RAPGEF4: variants seen among roughly 807,000 people sequenced by gnomAD.
The protein encoded by RAPGEF4 is Rap guanine nucleotide exchange factor 4.
RAPGEF4 carries 66 observed loss-of-function variants against 147.9 expected under a neutral mutation model. The observed-to-expected ratio is 0.45, with a 90% CI of 0.37 to 0.55. The LOEUF (loss-of-function observed/expected upper bound fraction) is 0.55, where lower values mean the gene tolerates loss of function less well. Ranked by LOEUF, RAPGEF4 falls within the 20% of genes least tolerant of loss-of-function variation. The probability of loss-of-function intolerance (pLI) is 0.00; values close to 1 mark genes in which losing one functional copy is unlikely to be tolerated. For synonymous variants in RAPGEF4, 419 were observed against 442.7 expected (o/e 0.95, Z 0.67); for missense variants, 1,071 against 1,257.3 (o/e 0.85, Z 2.24).
intron 6 of RAPGEF4, among the ~76,000 whole-genome samples, chr2:172,937,911 G>T (rs1429768588): frequency 6.6e-6 from 1 of 151,800 alleles, no homozygotes; most frequent in Non-Finnish European, 1.5e-5. Flanking sequence ...TTGGCCACTG[G>T]GAGCTCTTTC....
intron 17 of RAPGEF4, among the ~76,000 whole-genome samples, chr2:173,007,726 G>A (rs1694621968): frequency 6.6e-6 from 1 of 152,120 alleles, no homozygotes; most frequent in East Asian, 1.9e-4. Context: ...CCTAAGTAGT[G>A]TAATTTCAGA....
At chr2:172,811,972 C>T (rs1428679454) in intron 3 of RAPGEF4, among the ~76,000 whole-genome samples, 1 of 152,194 alleles carries the variant, frequency 6.6e-6, no homozygotes, top group African/African-American at 2.4e-5. Context: ...AAATGTTCTT[C>T]TTGGCACCTT....
chr2:172,814,430 G>A lies in RAPGEF4; in HGVS notation c.444+5G>A. On this transcript the variant is annotated splice_donor_5th_base_variant and intron_variant, in intron 4 of 30. Coordinates refer to ENST00000397081, the MANE Select transcript of RAPGEF4 (RefSeq NM_007023.4). ...GACTTCAAGGCACTATGGGAGGTGA[G>A]CCCTAAGGCTTCTTTGTCAATTAAT... 3 of 1,614,074 alleles carry A rather than the reference G, an allele frequency of 1.9e-6. No homozygotes were observed. The highest frequency in any genetic ancestry group is 1.6e-4 in the Middle Eastern group (1 of 6,062).
At chr2:172,914,906 T>C (rs963169690) in intron 4 of RAPGEF4, among the ~76,000 whole-genome samples, 2 of 152,264 alleles carry the variant, frequency 1.3e-5, no homozygotes, top group Non-Finnish European at 2.9e-5. Context: ...GTATTTTCTT[T>C]TATGAACTGC....
chr2:172,939,751 G>T (rs913039452), intron 6 of RAPGEF4, among the ~76,000 whole-genome samples: 1 of 151,894 alleles, frequency 6.6e-6, no homozygotes, highest in African/African-American at 2.4e-5. Flanking sequence ...TTATAGTTTT[G>T]TGTTTTACAT....
At chr2:172,876,035 G>A (rs975559313) in intron 4 of RAPGEF4, among the ~76,000 whole-genome samples, 3 of 152,028 alleles carry the variant, frequency 2.0e-5, no homozygotes, top group Admixed American at 2.0e-4. Flanking sequence ...CTCATGATTT[G>A]GCTCTCTGCT....
chr2:172,840,550 C>T (rs911388426), intron 4 of RAPGEF4, among the ~76,000 whole-genome samples: 31 of 152,150 alleles, frequency 2.0e-4, no homozygotes, highest in Admixed American at 5.9e-4. Flanking sequence ...AGTGTTGGGG[C>T]GAGCTACTCA....
At chr2:172,974,952 T>C (rs889295121) in intron 10 of RAPGEF4, among the ~76,000 whole-genome samples, 2 of 152,174 alleles carry the variant, frequency 1.3e-5, no homozygotes, top group Non-Finnish European at 2.9e-5. Context: ...CAACGGGCCA[T>C]ATGGGTCTAA....
At chr2:172,862,778 A>C (rs1694178135) in intron 4 of RAPGEF4, among the ~76,000 whole-genome samples, 1 of 152,210 alleles carries the variant, frequency 6.6e-6, no homozygotes, top group Non-Finnish European at 1.5e-5. Context: ...TGGGAGAGGA[A>C]GTTTCCTCCT....
chr2:173,022,941 A>G (rs2105930683), intron 23 of RAPGEF4, among the ~76,000 whole-genome samples: 1 of 152,302 alleles, frequency 6.6e-6, no homozygotes, highest in Non-Finnish European at 1.5e-5. Flanking sequence ...CTGGTTCCTC[A>G]GACTTTTATT....
At chr2:172,921,699 G>A (rs1160535631) in intron 5 of RAPGEF4, among the ~76,000 whole-genome samples, 1 of 152,218 alleles carries the variant, frequency 6.6e-6, no homozygotes, top group Non-Finnish European at 1.5e-5. Context: ...TGACAAATGA[G>A]CAAATGGATG....
At chr2:172,986,373 A>G (rs1010197133) in intron 12 of RAPGEF4, among the ~76,000 whole-genome samples, 1 of 152,250 alleles carries the variant, frequency 6.6e-6, no homozygotes, top group Non-Finnish European at 1.5e-5. Flanking sequence ...TTCAGGCTAC[A>G]TTGTATGAGT....
chr2:172,755,828 G>A (rs1426838330), intron 1 of RAPGEF4, among the ~76,000 whole-genome samples: 1 of 152,132 alleles, frequency 6.6e-6, no homozygotes, highest in African/African-American at 2.4e-5. Flanking sequence ...GTCAAAACTA[G>A]GAAATTGGCA....
intron 10 of RAPGEF4, among the ~76,000 whole-genome samples, chr2:172,975,781 G>A (rs749948891): frequency 6.6e-6 from 1 of 152,214 alleles, no homozygotes. Context: ...AAGGCAAGCA[G>A]TTATACTATC....
intron 4 of RAPGEF4, among the ~76,000 whole-genome samples, chr2:172,891,570 G>A (rs1192634568): frequency 6.6e-6 from 1 of 152,168 alleles, no homozygotes; most frequent in African/African-American, 2.4e-5. Context: ...AAGAAACAAA[G>A]AGTCAAATTC....
chr2:173,027,243 A>T lies in RAPGEF4; in HGVS notation c.2542A>T (p.Ile848Phe). 1 of 1,595,694 alleles carries T rather than the reference A, an allele frequency of 6.3e-7. No homozygotes were observed. Among genetic ancestry groups the T allele is most frequent in the South Asian group, 1.2e-5 (1 of 86,374 alleles). ...SKRVQLLKKFIKIAAHCKEYK... is the reference protein window; with the variant it reads ...SKRVQLLKKFFKIAAHCKEYK... ...GCGTGTTCAGCTATTAAAAAAATTT[A>T]TTAAGATAGCAGCCCAGTAAGTATA... Residue 848 changes from isoleucine to phenylalanine, a missense_variant, in exon 25 of 31, where the codon ATT becomes TTT. Coordinates refer to ENST00000397081, the MANE Select transcript of RAPGEF4 (RefSeq NM_007023.4).
intron 4 of RAPGEF4, among the ~76,000 whole-genome samples, chr2:172,818,932 A>G (rs1438679009): frequency 6.6e-6 from 1 of 152,182 alleles, no homozygotes; most frequent in Non-Finnish European, 1.5e-5. Flanking sequence ...TATATTGTCT[A>G]TTCTGCTGTA....
At chr2:172,859,910 A>C (rs1693834259) in intron 4 of RAPGEF4, 3 of 482,012 alleles carry the variant, frequency 6.2e-6, no homozygotes, top group Non-Finnish European at 8.1e-6. Context: ...GTCTCAATGG[A>C]ATATTGAAGA....
At chr2:172,909,267 C>T (rs1319460749) in intron 4 of RAPGEF4, among the ~76,000 whole-genome samples, 1 of 152,208 alleles carries the variant, frequency 6.6e-6, no homozygotes, top group Non-Finnish European at 1.5e-5. Flanking sequence ...ATCCTCAAGG[C>T]CACCACGCAA....
Sources: gnomAD v4.1 joint callset for allele counts (sites outside exome capture counted in the v4.1 genomes callset) on GRCh38, gnomAD v4.1.1 for gene constraint, MANE v1.5 for transcripts, NCBI Gene and HGNC (gene_info 2026-07-23, HGNC 2026-07-21) for gene names.